The following XIRP2 variants were observed in gnomAD, a reference collection of about 807,000 sequenced individuals.
XIRP2 encodes the protein xin actin-binding repeat-containing protein 2.
A neutral mutation model predicts 277.0 loss-of-function variants in XIRP2; 236 were observed. The ratio of observed to expected loss-of-function variants is 0.85; its 90% CI spans 0.77 to 0.95. The LOEUF is 0.95. XIRP2 is among the 40% of genes least tolerant of loss of function. The pLI is 0.00. For missense variants in XIRP2, 4,640 were observed against 4,157.5 expected, an observed-to-expected ratio of 1.12 and a Z score of -3.19; for synonymous variants, 1,490 against 1,416.5, an observed-to-expected ratio of 1.05 and a Z score of -1.17.
chr2:167,187,523 T>C, intron 3 of XIRP2: 1 of 985,164 alleles, frequency 1.0e-6, no homozygotes, highest in Non-Finnish European at 1.2e-6. Flanking sequence ...AACCTAAATA[T>C]CATAAAAGGT....
intron 2 of XIRP2, among the ~76,000 whole-genome samples, chr2:167,043,373 C>T (rs1350257638): frequency 6.6e-6 from 1 of 151,758 alleles, no homozygotes; most frequent in African/African-American, 2.4e-5. Flanking sequence ...AAAAAAGATA[C>T]ACATTCATAC....
chr2:167,090,559 A>G (rs997238949), intron 2 of XIRP2, among the ~76,000 whole-genome samples: 2 of 152,078 alleles, frequency 1.3e-5, no homozygotes, highest in African/African-American at 2.4e-5. Context: ...TTGTGTTTCT[A>G]TGAAAGAATA....
intron 2 of XIRP2, among the ~76,000 whole-genome samples, chr2:166,995,133 G>T (rs1374864207): frequency 1.3e-5 from 2 of 152,032 alleles, no homozygotes; most frequent in Admixed American, 1.3e-4. Flanking sequence ...CCCCACCTCG[G>T]CCTCCCAAAG....
chr2:167,240,397 A>T (rs1048924276), intron 6 of XIRP2, among the ~76,000 whole-genome samples: 4 of 152,220 alleles, frequency 2.6e-5, no homozygotes, highest in African/African-American at 4.8e-5. Flanking sequence ...CCCGGGTGAC[A>T]GTGCAAGACT....
chr2:167,106,712 T>C (rs1690627869), intron 2 of XIRP2, among the ~76,000 whole-genome samples: 1 of 151,690 alleles, frequency 6.6e-6, no homozygotes, highest in Non-Finnish European at 1.5e-5. Context: ...GTTGTCTTTA[T>C]CTACAAAAAG....
At chr2:166,956,392 T>C in intron 2 of XIRP2, among the ~76,000 whole-genome samples, 1 of 151,780 alleles carries the variant, frequency 6.6e-6, no homozygotes, top group East Asian at 1.9e-4. Context: ...TTTAACTAAG[T>C]TGTGGTAATT....
intron 2 of XIRP2, among the ~76,000 whole-genome samples, chr2:167,016,578 C>G (rs913771787): frequency 2.4e-4 from 36 of 151,996 alleles, no homozygotes; most frequent in Non-Finnish European, 3.4e-4. Flanking sequence ...CTTATTCAAA[C>G]AGTCTGTACT....
At chr2:167,096,212 G>T (rs1256454501) in intron 2 of XIRP2, among the ~76,000 whole-genome samples, 1 of 151,978 alleles carries the variant, frequency 6.6e-6, no homozygotes, top group Non-Finnish European at 1.5e-5. Context: ...ATTAATTGCT[G>T]CCTCAATTTC....
intron 2 of XIRP2, among the ~76,000 whole-genome samples, chr2:167,018,463 C>T (rs1687892581): frequency 6.6e-6 from 1 of 151,938 alleles, no homozygotes; most frequent in African/African-American, 2.4e-5. Flanking sequence ...CAGAGAGACA[C>T]ACTATTTAGT....
chr2:167,214,490 A>C (rs995736817), intron 4 of XIRP2, among the ~76,000 whole-genome samples: 3 of 151,914 alleles, frequency 2.0e-5, no homozygotes, highest in African/African-American at 7.3e-5. Flanking sequence ...AAAAAAAAAA[A>C]AAAAAATCAA....
chr2:166,977,976 CA>C (rs1225244496), intron 2 of XIRP2, among the ~76,000 whole-genome samples: 9 of 152,112 alleles, frequency 5.9e-5, no homozygotes, highest in African/African-American at 1.9e-4. Context: ...TACAAATTTA[CA>C]AGTATAAATT....
At chr2:167,225,608 C>G (rs1288028661) in intron 5 of XIRP2, among the ~76,000 whole-genome samples, 2 of 152,032 alleles carry the variant, frequency 1.3e-5, no homozygotes, top group Non-Finnish European at 2.9e-5. Flanking sequence ...GCAGATAGGC[C>G]AGCAAATACT....
intron 2 of XIRP2, among the ~76,000 whole-genome samples, chr2:167,057,286 C>T (rs116260175): frequency 0.016 from 2,449 of 152,176 alleles, 30 homozygotes; most frequent in African/African-American, 0.024. Context: ...CCTAAGTTTT[C>T]GGATCACCAG....
In XIRP2 at chr2:167,248,604, T is replaced by C. The variant is rs1448774298; in HGVS notation, c.7212T>C (p.Ser2404=). ...QQYSQKEASN[S]QNSQAKIITG... ...ATTCCCAAAAAGAAGCCTCGAACTC[T>C]CAGAATTCTCAGGCTAAAATCATAA... Residue 2404 remains serine (S), a synonymous_variant, in exon 9 of 11, where the codon TCT becomes TCC. Coordinates refer to ENST00000409195, the MANE Select transcript of XIRP2 (RefSeq NM_152381.6). The C allele has an allele frequency of 6.2e-7, 1 of 1,613,722 alleles. No homozygotes were observed. Among genetic ancestry groups the C allele is most frequent in the Non-Finnish European group, 8.5e-7 (1 of 1,179,836 alleles).
chr2:166,904,075 G>A (rs994799934), intron 2 of XIRP2, among the ~76,000 whole-genome samples, 185 bp downstream of exon 2: 1 of 152,076 alleles, frequency 6.6e-6, no homozygotes, highest in Non-Finnish European at 1.5e-5. Flanking sequence ...CTGCTTCAAT[G>A]TGGACTTGAC....
intron 2 of XIRP2, among the ~76,000 whole-genome samples, chr2:166,913,314 C>T (rs972436605): frequency 1.5e-4 from 19 of 130,538 alleles, no homozygotes; most frequent in Admixed American, 4.3e-4. Flanking sequence ...GTGGGCACCC[C>T]CCCCCCCCAG....
chr2:167,230,242 A>G (rs1694713701), intron 5 of XIRP2, among the ~76,000 whole-genome samples: 1 of 152,050 alleles, frequency 6.6e-6, no homozygotes, highest in African/African-American at 2.4e-5. Context: ...ATTGGGAGAG[A>G]TTGTTGGAAC....
chr2:167,089,457 A>G (rs112848252), intron 2 of XIRP2, among the ~76,000 whole-genome samples: 4,824 of 152,298 alleles, frequency 0.032, 109 homozygotes, highest in East Asian at 0.052. Context: ...TTCAGCAGCC[A>G]GCAGCCAGGC....
intron 1 of XIRP2, among the ~76,000 whole-genome samples, chr2:166,896,327 C>A (rs1684240614): frequency 6.6e-6 from 1 of 152,070 alleles, no homozygotes; most frequent in Non-Finnish European, 1.5e-5. Flanking sequence ...GCATTATTAT[C>A]AGTGGAGATG....
Sources: allele counts gnomAD v4.1 joint callset (sites outside exome capture counted in the v4.1 genomes callset), GRCh38; gene constraint gnomAD v4.1.1; transcripts MANE v1.5; gene names NCBI Gene and HGNC (gene_info 2026-07-23, HGNC 2026-07-21).